KIF15: variants seen among roughly 807,000 people sequenced by gnomAD.
KIF15 encodes the protein kinesin-like protein KIF15.
KIF15 carries 140 observed loss-of-function variants against 190.6 expected under a neutral mutation model. The ratio of observed to expected loss-of-function variants is 0.73; its 90% CI spans 0.64 to 0.84. The LOEUF (loss-of-function observed/expected upper bound fraction) is 0.84, where lower values mean the gene tolerates loss of function less well. Among genes scored for constraint, KIF15 ranks in the 40% least tolerant of loss-of-function variants. The pLI, the probability that KIF15 is intolerant of heterozygous loss-of-function variation, is 0.00. For missense variants in KIF15, 1,372 were observed against 1,584.4 expected (o/e 0.87, Z 2.28); for synonymous variants, 528 against 551.3 (o/e 0.96, Z 0.59).
At position 44,838,420 on chromosome 3, in the gene KIF15, A is replaced by G; in HGVS notation, c.3317A>G (p.Lys1106Arg). 1.2e-6 allele frequency: 2 copies of G among 1,612,004 alleles called. No individual in the cohort carries two copies. The highest frequency in any genetic ancestry group is 1.7e-6 in the Non-Finnish European group (2 of 1,179,086). ...GCCCTGATTCAGGAACTTCAGCACA[A>G]GGTGAGAAACACACAGGTGTCACTC... ...KEALIQELQHKLNQKKEEVEQ... is the reference protein window; with the variant it reads ...KEALIQELQHRLNQKKEEVEQ... Residue 1106 changes from lysine to arginine, a missense_variant and splice_region_variant, in exon 27 of 35, where the codon AAG (lysine) becomes AGG (arginine). Transcript: ENST00000326047.
intron 14 of KIF15, among the ~76,000 whole-genome samples, chr3:44,804,554 C>T (rs1012489508): frequency 3.3e-5 from 5 of 152,178 alleles, no homozygotes; most frequent in African/African-American, 1.2e-4. Context: ...GCCACACTTT[C>T]GTCATTGTTT....
rs563297624 is a variant in KIF15, at chr3:44,764,702, G to A, written c.19+2818G>A. Among the ~76,000 whole-genome samples the A allele has an allele frequency of 1.1e-4, 17 of 150,396 alleles. No individual in the cohort carries two copies. In the South Asian group the frequency reaches 2.6e-3, roughly 23 times the overall value. ...CACCCAGGCTGAAGTGCAGGGGTGCGATCTTGGCTCACTGCAACCTCCATC... is the reference window on the plus strand; with the variant it reads ...CACCCAGGCTGAAGTGCAGGGGTGCAATCTTGGCTCACTGCAACCTCCATC... On this transcript the variant is annotated intron_variant, in intron 1 of 34. Coordinates refer to ENST00000326047, the MANE Select transcript of KIF15 (RefSeq NM_020242.3).
At chr3:44,786,025 G>A (rs533117430) in intron 6 of KIF15, among the ~76,000 whole-genome samples, 1 of 152,230 alleles carries the variant, frequency 6.6e-6, no homozygotes, top group Admixed American at 6.5e-5. Context: ...GACCATCCTG[G>A]CTAACACAGT....
intron 1 of KIF15, among the ~76,000 whole-genome samples, chr3:44,770,340 C>T (rs544369840): frequency 3.3e-5 from 5 of 152,250 alleles, no homozygotes; most frequent in South Asian, 2.1e-4. Flanking sequence ...TTTGATGGAA[C>T]TCTATTCCAC....
intron 10 of KIF15, among the ~76,000 whole-genome samples, chr3:44,799,941 A>G (rs1361968095): frequency 6.6e-6 from 1 of 152,082 alleles, no homozygotes; most frequent in East Asian, 1.9e-4. Context: ...AAGAAGGGAA[A>G]TGATACTCAC....
At chr3:44,852,622 T>C in intron 34 of KIF15, 51 bp from the exon 35 acceptor site, 2 of 1,381,038 alleles carry the variant, frequency 1.4e-6, no homozygotes, top group Non-Finnish European at 2.0e-6. Flanking sequence ...CCACTTCCTG[T>C]AAGAATTAGA....
intron 7 of KIF15, among the ~76,000 whole-genome samples, chr3:44,789,572 C>CT (rs1706571858): frequency 6.8e-6 from 1 of 147,342 alleles, no homozygotes; most frequent in African/African-American, 2.5e-5. Context: ...TCTATTGATA[C>CT]TTCAGAGAGA....
In KIF15 at chr3:44,824,802, C is replaced by T. The variant is rs1190302251; in HGVS notation, c.2550-1237C>T. Among the ~76,000 whole-genome samples, 3 of 152,186 alleles carry T rather than the reference C, an allele frequency of 2.0e-5. No homozygotes were observed. The East Asian group carries it at 5.8e-4, about 29-fold the overall frequency. On this transcript the variant is annotated intron_variant, in intron 20 of 34. Coordinates refer to ENST00000326047, the MANE Select transcript of KIF15 (RefSeq NM_020242.3). ...TGAGACAGTGTCTCACTTTGTCACC[C>T]AGGCTGGAGCACAGTGGCATAAACA...
At position 44,801,814 on chromosome 3, in the gene KIF15, A is replaced by C. The variant is rs777431343; in HGVS notation, c.1349A>C (p.Glu450Ala). 6.2e-7 allele frequency: 1 copy of C among 1,608,136 alleles called. No homozygotes were observed. Among genetic ancestry groups the C allele is most frequent in the Non-Finnish European group, 8.5e-7 (1 of 1,175,618 alleles). Reference protein sequence around the residue: ...TQLEDLTLKKEKFIQSNKMIV... With the variant: ...TQLEDLTLKKAKFIQSNKMIV... ...TTAGAAGACCTCACCCTCAAAAAGGAAAAATTTATTCAATCTAATAAAATG... is the reference window on the plus strand; with the variant it reads ...TTAGAAGACCTCACCCTCAAAAAGGCAAAATTTATTCAATCTAATAAAATG... Residue 450 changes from glutamate to alanine, a missense_variant, in exon 13 of 35, where the codon GAA becomes GCA. Glu to Ala is a moderately radical substitution (Grantham distance 107). Transcript: ENST00000326047.
At chr3:44,799,596 TCAA>T (rs1707163872) in intron 10 of KIF15, among the ~76,000 whole-genome samples, 1 of 150,822 alleles carries the variant, frequency 6.6e-6, no homozygotes, top group Non-Finnish European at 1.5e-5. Flanking sequence ...TCTCGCTCTG[TCAA>T]CAGGCTGGAG....
At position 44,852,672 on chromosome 3, in the gene KIF15, G is replaced by A; in HGVS notation, c.4105-1G>A. 1 of 1,582,392 alleles carries A rather than the reference G, an allele frequency of 6.3e-7. No individual in the cohort carries two copies. Among genetic ancestry groups the A allele is most frequent in the African/African-American group, 1.4e-5 (1 of 73,090 alleles). ...CTTTTTGTTTTTTTAAAATTACTTA[G>A]GAGACAGAAAAGTTGCGTGCCGAAA... is the stretch of plus-strand genomic sequence containing the variant. On this transcript the variant is annotated splice_acceptor_variant, in intron 34 of 34. Coordinates refer to ENST00000326047, the MANE Select transcript of KIF15 (RefSeq NM_020242.3). LOFTEE classifies it high-confidence loss of function.
At chr3:44,839,193 C>T (rs956157969) in intron 27 of KIF15, among the ~76,000 whole-genome samples, 4 of 151,652 alleles carry the variant, frequency 2.6e-5, no homozygotes, top group African/African-American at 9.7e-5. Context: ...ACACGGTGAA[C>T]CCCCGTCTCT....
chr3:44,780,428 T>G (rs1403413923), intron 4 of KIF15, among the ~76,000 whole-genome samples: 1 of 152,200 alleles, frequency 6.6e-6, no homozygotes, highest in East Asian at 1.9e-4. Flanking sequence ...TAGCAAAAAT[T>G]GGAAACAAAA....
chr3:44,801,678 T>C, intron 12 of KIF15, 87 bp from the exon 13 acceptor site: 1 of 973,880 alleles, frequency 1.0e-6, no homozygotes, highest in Non-Finnish European at 1.6e-6. Flanking sequence ...AGATTAAATA[T>C]GAAATTAGTA....
intron 26 of KIF15, among the ~76,000 whole-genome samples, chr3:44,833,663 T>G (rs1698177589): frequency 7.2e-6 from 1 of 138,796 alleles, no homozygotes; most frequent in Non-Finnish European, 1.7e-5. Context: ...GCTTTCCTCC[T>G]GCTGTGCAGC....
intron 16 of KIF15, 68 bp from the exon 17 acceptor site, chr3:44,810,778 C>T: frequency 1.5e-6 from 2 of 1,290,384 alleles, no homozygotes; most frequent in African/African-American, 3.0e-5. Flanking sequence ...CCTCTCTATT[C>T]ACAAAATTAT....
chr3:44,814,495 G>T (rs763158034), intron 19 of KIF15, among the ~76,000 whole-genome samples: 13 of 152,138 alleles, frequency 8.5e-5, no homozygotes, highest in Non-Finnish European at 1.8e-4. Context: ...ATTTTTGGTA[G>T]AGACAGGGTT....
intron 20 of KIF15, among the ~76,000 whole-genome samples, chr3:44,819,844 G>C (rs1020891720): frequency 1.3e-5 from 2 of 152,162 alleles, no homozygotes; most frequent in Non-Finnish European, 2.9e-5. Flanking sequence ...TGACAGTGGG[G>C]TGTTAAAGTC....
Position 44,762,075 on chromosome 3 carries a change from C to T in KIF15, c.19+191C>T, listed in dbSNP as rs1705171573. ...ACGCTAGCCGAAAAGCTCATCCCTT[C>T]CTTCAGTGTCCTGTGCGCATGCCAG... On this transcript the variant is annotated intron_variant, in intron 1 of 34. Coordinates refer to ENST00000326047, the MANE Select transcript of KIF15 (RefSeq NM_020242.3). 3.9e-5 allele frequency among the ~76,000 whole-genome samples: 6 copies of T among 152,334 alleles called. No homozygotes were observed. In the South Asian group the frequency reaches 1.2e-3, roughly 32 times the overall value.
Sources: allele counts gnomAD v4.1 joint callset (sites outside exome capture counted in the v4.1 genomes callset), GRCh38; gene constraint gnomAD v4.1.1; transcripts MANE v1.5; gene names NCBI Gene and HGNC (gene_info 2026-07-23, HGNC 2026-07-21).